The following NUGGC variants were observed in gnomAD, a reference collection of about 807,000 sequenced individuals.
NUGGC encodes nuclear GTPase, germinal center associated.
NUGGC carries 58 observed loss-of-function variants against 92.6 expected under a neutral mutation model. The observed-to-expected ratio is 0.63, with a 90% CI of 0.51 to 0.78. The LOEUF is 0.78. Among genes scored for constraint, NUGGC ranks in the 30% least tolerant of loss-of-function variants. NUGGC has a pLI of 0.00. For missense variants in NUGGC, 925 were observed against 964.6 expected, an observed-to-expected ratio of 0.96 and a Z score of 0.54; for synonymous variants, 376 against 366.4, an observed-to-expected ratio of 1.03 and a Z score of -0.30.
At chr8:28,076,289 T>A (rs1233428631) in intron 1 of NUGGC, among the ~76,000 whole-genome samples, 1 of 152,162 alleles carries the variant, frequency 6.6e-6, no homozygotes, top group African/African-American at 2.4e-5. Context: ...GCTAAATTTG[T>A]TGTTTTGGTC....
Position 28,065,156 on chromosome 8 carries a change from T to A in NUGGC, c.712-425A>T, listed in dbSNP as rs1029738900. Among the ~76,000 whole-genome samples, 179 of 134,370 alleles carry A rather than the reference T, an allele frequency of 1.3e-3. 1 individual carries two copies. Among genetic ancestry groups the A allele is most frequent in the African/African-American group, 4.9e-3 (175 of 35,514 alleles). 88.2% of individuals were successfully genotyped at this position (134,370 alleles called of 152,430 possible). On this transcript the variant is annotated intron_variant, in intron 6 of 18. Transcript: ENST00000413272. ...AAAATTGATCTGAAATTGGATCTTT[T>A]TTTTTTTTTTTTTTTTTTTTTTGAG...
chr8:28,067,528 G>T lies in NUGGC; in HGVS notation c.697C>A (p.Leu233Ile). The change falls in exon 6 of 19, where the codon CTC (leucine) becomes ATC (isoleucine). Residue 233 changes from leucine to isoleucine, a missense_variant. Physicochemically the swap from Leu to Ile is conservative, Grantham distance 5. Coordinates refer to ENST00000413272, the MANE Select transcript of NUGGC (RefSeq NM_001010906.2). The stretch of plus-strand genomic sequence containing the variant: ...CTTGACGCTACCTCTTCCGCCTTGA[G>T]GGTGATGACTCTGGAGGTGGGGATC... ...RKIPTSRVITLKAEEAEELSI... is the reference protein window; with the variant it reads ...RKIPTSRVITIKAEEAEELSI... The T allele has an allele frequency of 2.5e-6, 4 of 1,608,130 alleles. No homozygotes were observed. Among genetic ancestry groups the T allele is most frequent in the South Asian group, 1.1e-5 (1 of 89,782 alleles).
At chr8:28,054,348 G>C (rs905709840) in intron 10 of NUGGC, among the ~76,000 whole-genome samples, 2 of 152,086 alleles carry the variant, frequency 1.3e-5, no homozygotes, top group Non-Finnish European at 2.9e-5. Context: ...TGGGCATAGT[G>C]GCAGGCACTT....
In NUGGC at chr8:28,029,232, G is replaced by C. The variant is rs375483912; in HGVS notation, c.2154+34C>G. The C allele has an allele frequency of 1.4e-5, 22 of 1,587,712 alleles. No homozygotes were observed. The African/African-American group carries it at 1.7e-4, about 13-fold the overall frequency. ...TTCCTCTCCTCCCCCGGAGCCTCTC[G>C]GGGTCTAGGATCCAGGATGTGGGCA... On this transcript the variant is annotated intron_variant, in intron 17 of 18. Coordinates refer to ENST00000413272, the MANE Select transcript of NUGGC (RefSeq NM_001010906.2).
chr8:28,060,557 C>T lies in NUGGC; in HGVS notation c.966G>A (p.Glu322=). 4 of 1,613,488 alleles carry T rather than the reference C, an allele frequency of 2.5e-6. 1 individual carries two copies. Among genetic ancestry groups the T allele is most frequent in the South Asian group, 2.2e-5 (2 of 90,988 alleles). The change falls in exon 8 of 19, where the codon GAG becomes GAA. Residue 322 remains glutamate, a synonymous_variant. Transcript: ENST00000413272. ...CSVIWVISDI[E]RVSGGQAHED... is the part of the protein sequence containing the mutation. ...CGTGGGCTTGCCCCCCAGAAACTCG[C>T]TCTATGTCGCTGATCACCCAGATCA...
Position 28,074,348 on chromosome 8 carries a change from A to C in NUGGC, c.43+20T>G. ...ATCAGTTCCTATATCCTCCATCAGAAGATACTGCAAAGATGTTACCTGGAT... is the reference window on the plus strand; with the variant it reads ...ATCAGTTCCTATATCCTCCATCAGACGATACTGCAAAGATGTTACCTGGAT... On this transcript the variant is annotated intron_variant, in intron 2 of 18. Transcript: ENST00000413272. 6.4e-7 allele frequency: 1 copy of C among 1,566,528 alleles called. No individual in the cohort carries two copies. Among genetic ancestry groups the C allele is most frequent in the Non-Finnish European group, 8.8e-7 (1 of 1,137,020 alleles).
intron 17 of NUGGC, among the ~76,000 whole-genome samples, chr8:28,027,705 C>A (rs1563212929): frequency 6.6e-6 from 1 of 152,090 alleles, no homozygotes; most frequent in Non-Finnish European, 1.5e-5. Context: ...AGATCAAGAG[C>A]CCTAAGCATA....
intron 1 of NUGGC, among the ~76,000 whole-genome samples, chr8:28,080,641 T>G (rs188365495): frequency 1.3e-5 from 2 of 152,340 alleles, no homozygotes; most frequent in East Asian, 1.9e-4. Flanking sequence ...TTTGTATCTA[T>G]ATCTAGATAG....
At chr8:28,026,597 T>C (rs1049726745) in intron 18 of NUGGC, among the ~76,000 whole-genome samples, 4 of 152,322 alleles carry the variant, frequency 2.6e-5, no homozygotes, top group East Asian at 1.9e-4. Context: ...CTATGGGACC[T>C]TGGGCACATT....
intron 8 of NUGGC, chr8:28,060,161 T>G: frequency 1.7e-6 from 1 of 594,820 alleles, no homozygotes; most frequent in Non-Finnish European, 3.1e-6. Context: ...CTGCATCTGG[T>G]ACATGTGAGT....
intron 2 of NUGGC, among the ~76,000 whole-genome samples, chr8:28,071,753 C>T (rs1237319224): frequency 6.6e-6 from 1 of 152,164 alleles, no homozygotes; most frequent in East Asian, 1.9e-4. Context: ...AGAGGTGGAT[C>T]TTTGGGGTGA....
At chr8:28,048,125 T>C (rs1226109747) in intron 10 of NUGGC, among the ~76,000 whole-genome samples, 1 of 152,180 alleles carries the variant, frequency 6.6e-6, no homozygotes, top group Non-Finnish European at 1.5e-5. Flanking sequence ...CATAACCACA[T>C]TGTGATCCCT....
At chr8:28,026,717 T>A (rs756793112) in intron 18 of NUGGC, among the ~76,000 whole-genome samples, 1 of 152,194 alleles carries the variant, frequency 6.6e-6, no homozygotes, top group Non-Finnish European at 1.5e-5. Flanking sequence ...CTGAGTATAA[T>A]GCTTGCTGTC....
intron 18 of NUGGC, among the ~76,000 whole-genome samples, chr8:28,023,915 TG>T (rs1809183459): frequency 6.6e-6 from 1 of 152,186 alleles, no homozygotes; most frequent in Non-Finnish European, 1.5e-5. Context: ...TAGTTTTATG[TG>T]TCAACTTGTT....
intron 8 of NUGGC, among the ~76,000 whole-genome samples, chr8:28,059,309 C>T (rs1810232585): frequency 6.6e-6 from 1 of 152,176 alleles, no homozygotes; most frequent in South Asian, 2.1e-4. Flanking sequence ...CCTCTAAGGA[C>T]TAATCATACC....
chr8:28,027,440 G>A (rs1022586460), intron 17 of NUGGC, among the ~76,000 whole-genome samples: 1 of 152,148 alleles, frequency 6.6e-6, no homozygotes, highest in African/African-American at 2.4e-5. Context: ...TCTCGTCCAT[G>A]CATCTGCTCA....
rs892308639 is a variant in NUGGC at position 28,032,165 on chromosome 8, C to T, written c.1770-784G>A. Among the ~76,000 whole-genome samples the T allele has an allele frequency of 6.4e-4, 97 of 152,218 alleles. 1 individual carries two copies. The highest frequency in any genetic ancestry group is 4.9e-4 in the Non-Finnish European group (33 of 68,024). On this transcript the variant is annotated intron_variant, in intron 14 of 18. Coordinates refer to ENST00000413272, the MANE Select transcript of NUGGC (RefSeq NM_001010906.2). ...CTGGAGGCAGGTGGAATGTCTTGAA[C>T]GCGTTCTAAGGGATTTGAAGTTTAG...
At chr8:28,069,132 A>G (rs1810521970) in intron 4 of NUGGC, among the ~76,000 whole-genome samples, 1 of 152,206 alleles carries the variant, frequency 6.6e-6, no homozygotes. Context: ...TTGTAGCCTC[A>G]GCACCACTCG....
rs10106969 is a variant in NUGGC at position 28,025,585 on chromosome 8, T to C, written c.2245+1377A>G. On this transcript the variant is annotated intron_variant, in intron 18 of 18. Coordinates refer to ENST00000413272, the MANE Select transcript of NUGGC (RefSeq NM_001010906.2). ...CTATAAAGGCCTGGACAGAAGGTCA[T>C]GAGAGTCCAGTACATTATAGTGTGA... Among the ~76,000 whole-genome samples, 1,117 of 152,258 alleles carry C rather than the reference T, an allele frequency of 7.3e-3. 15 individuals carry two copies. Among genetic ancestry groups the C allele is most frequent in the African/African-American group, 0.026 (1,073 of 41,542 alleles).
Sources: gnomAD v4.1 joint callset for allele counts (sites outside exome capture counted in the v4.1 genomes callset) on GRCh38, gnomAD v4.1.1 for gene constraint, MANE v1.5 for transcripts, NCBI Gene and HGNC (gene_info 2026-07-23, HGNC 2026-07-21) for gene names.